Variants in ATP2A2 observed in about 807,000 individuals in gnomAD.
ATP2A2 encodes ATPase sarcoplasmic/endoplasmic reticulum Ca2+ transporting 2, also known as sarcoplasmic/endoplasmic reticulum calcium ATPase 2.
Under a neutral mutation model 109.3 loss-of-function variants are expected in ATP2A2, and 14 were observed. The ratio of observed to expected loss-of-function variants is 0.13; its 90% CI spans 0.08 to 0.20. The LOEUF (loss-of-function observed/expected upper bound fraction) is 0.20. ATP2A2 is among the 10% of genes least tolerant of loss of function. The probability of loss-of-function intolerance (pLI) is 1.00; values close to 1 mark genes in which losing one functional copy is unlikely to be tolerated. For missense variants in ATP2A2, 657 were observed against 1,321.6 expected (o/e 0.50, Z 7.80); for synonymous variants, 506 against 490.9 (o/e 1.03, Z -0.41).
At chr12:110,285,069 T>A (rs1018613891) in intron 3 of ATP2A2, among the ~76,000 whole-genome samples, 5 of 152,212 alleles carry the variant, frequency 3.3e-5, no homozygotes, top group African/African-American at 1.2e-4. Context: ...ACTAGGCGAT[T>A]CTTATATACA....
chr12:110,319,223 G>GAAAAAAAAAAAA (rs59623372), intron 5 of ATP2A2, among the ~76,000 whole-genome samples: 40 of 63,428 alleles, frequency 6.3e-4, no homozygotes, highest in Non-Finnish European at 7.1e-4. Context: ...AATAAAAAAT[G>GAAAAAAAAAAAA]AAAAAAAAAA....
At chr12:110,299,822 C>T (rs1385660337) in intron 5 of ATP2A2, among the ~76,000 whole-genome samples, 1 of 152,130 alleles carries the variant, frequency 6.6e-6, no homozygotes, top group Non-Finnish European at 1.5e-5. Context: ...TGGGTCTTGC[C>T]ATGTTGCTCA....
chr12:110,315,152 C>T lies in ATP2A2; in HGVS notation c.464-7840C>T, dbSNP rs1231565458. On this transcript the variant is annotated intron_variant, in intron 5 of 19. Transcript: ENST00000539276. ...GAGTGCTGGGATTACAGGCGTGAGC[C>T]ATCGCGCCCGGCAATATACTGTTAA... Among the ~76,000 whole-genome samples the T allele has an allele frequency of 3.3e-5, 5 of 152,308 alleles. No individual in the cohort carries two copies. In the East Asian group the frequency reaches 9.6e-4, roughly 29 times the overall value.
At position 110,281,625 on chromosome 12, in the gene ATP2A2, C is replaced by G. The variant is rs989413455; in HGVS notation, c.-165C>G. On this transcript the variant is annotated 5_prime_UTR_variant, in exon 1 of 20. Transcript: ENST00000539276. ...GGGCGGTTGTCTGGGGGAGGGGGCG[C>G]GGGGTGATTCAGCGCCCGGCGAGGC... 3 of 410,952 alleles carry G rather than the reference C, an allele frequency of 7.3e-6. No homozygotes were observed. The highest frequency in any genetic ancestry group is 4.5e-5 in the South Asian group (1 of 22,310). 25.5% of individuals were successfully genotyped at this position (410,952 alleles called of 1,614,324 possible).
chr12:110,282,881 G>T, intron 3 of ATP2A2, 86 bp downstream of exon 3: 1 of 1,159,382 alleles, frequency 8.6e-7, no homozygotes. Context: ...TGTCCATTGG[G>T]TGAAAACATA....
chr12:110,282,475 G>A, intron 1 of ATP2A2, 129 bp from the exon 2 acceptor site: 1 of 1,286,462 alleles, frequency 7.8e-7, no homozygotes, highest in Non-Finnish European at 1.1e-6. Context: ...CTAGGTCTGT[G>A]TTTTAAAGAT....
intron 3 of ATP2A2, among the ~76,000 whole-genome samples, chr12:110,283,283 CTTG>C (rs755941427): frequency 2.0e-5 from 3 of 152,190 alleles, no homozygotes; most frequent in East Asian, 1.9e-4. Context: ...TGATGGCACC[CTTG>C]TTGACCAAAT....
intron 3 of ATP2A2, among the ~76,000 whole-genome samples, chr12:110,288,100 CCTTT>C (rs1334152450): frequency 7.4e-6 from 1 of 134,612 alleles, no homozygotes; most frequent in East Asian, 2.0e-4. Context: ...CATGCTTTGC[CCTTT>C]TTTTTTTTTT....
intron 3 of ATP2A2, among the ~76,000 whole-genome samples, chr12:110,283,233 T>G (rs976314331): frequency 4.6e-5 from 7 of 152,152 alleles, no homozygotes; most frequent in Non-Finnish European, 1.0e-4. Flanking sequence ...AATGGCAAGG[T>G]GACAGTTGTT....
chr12:110,312,017 T>C (rs1431746661), intron 5 of ATP2A2, among the ~76,000 whole-genome samples: 1 of 151,754 alleles, frequency 6.6e-6, no homozygotes, highest in East Asian at 1.9e-4. Context: ...TCTAAAAAAA[T>C]AAAAAATGAA....
chr12:110,345,214 T>G, intron 17 of ATP2A2, 35 bp from the exon 18 acceptor site: 1 of 1,614,108 alleles, frequency 6.2e-7, no homozygotes, highest in South Asian at 1.1e-5. Flanking sequence ...GGAAATATAC[T>G]GGGCTGATAG....
chr12:110,313,650 C>G (rs1319771625), intron 5 of ATP2A2, among the ~76,000 whole-genome samples: 1 of 151,434 alleles, frequency 6.6e-6, no homozygotes. Context: ...AACACCAAAC[C>G]ACCTAGATGG....
Position 110,292,210 on chromosome 12 carries a change from CT to C in ATP2A2, c.324+87del, listed in dbSNP as rs960731686. On this transcript the variant is annotated intron_variant, in intron 4 of 19. Transcript: ENST00000539276. ...TTAATCTTTCTGTTATCTGTTTTTCCTGATGTGTTGAGTAAAAATATGTTTG... is the reference window on the plus strand; with the variant it reads ...TTAATCTTTCTGTTATCTGTTTTTCCGATGTGTTGAGTAAAAATATGTTTG... 5 of 1,010,616 alleles carry C rather than the reference CT, an allele frequency of 4.9e-6. No homozygotes were observed. In the African/African-American group the frequency reaches 7.9e-5, roughly 16 times the overall value. 62.6% of individuals were successfully genotyped at this position (1,010,616 alleles called of 1,614,324 possible). A position where few individuals can be genotyped will look rare whatever the true frequency, so the allele number is the denominator to read the frequency against.
intron 4 of ATP2A2, among the ~76,000 whole-genome samples, chr12:110,293,487 C>T (rs533349936): frequency 7.4e-4 from 111 of 150,252 alleles, no homozygotes; most frequent in Non-Finnish European, 1.4e-3. Flanking sequence ...CTCCACTTCC[C>T]GGGATCAAGC....
In ATP2A2 at chr12:110,350,022, C is replaced by T; in HGVS notation, c.*3552C>T. 2 of 1,380,924 alleles carry T rather than the reference C, an allele frequency of 1.4e-6. No individual in the cohort carries two copies. The highest frequency in any genetic ancestry group is 1.9e-6 in the Non-Finnish European group (2 of 1,067,762). 85.5% of individuals were successfully genotyped at this position (1,380,924 alleles called of 1,614,324 possible). A position where few individuals can be genotyped will look rare whatever the true frequency, so the allele number is the denominator to read the frequency against. On this transcript the variant is annotated 3_prime_UTR_variant, in exon 20 of 20. Coordinates refer to ENST00000539276, the MANE Select transcript of ATP2A2 (RefSeq NM_170665.4). ...GCTTTCACAGCTGCAACGATTGTGT[C>T]TGCCTCATGGGGTTTTCCTCCAGAG...
intron 5 of ATP2A2, among the ~76,000 whole-genome samples, chr12:110,318,113 G>A (rs369909108): frequency 3.9e-5 from 6 of 152,130 alleles, no homozygotes; most frequent in Admixed American, 2.6e-4. Flanking sequence ...TGTGATCATC[G>A]GAACAGCCTA....
chr12:110,325,622 C>T (rs939725004), intron 6 of ATP2A2, among the ~76,000 whole-genome samples: 69 of 149,494 alleles, frequency 4.6e-4, no homozygotes, highest in Middle Eastern at 3.5e-3. Flanking sequence ...AGCAAGACTC[C>T]GTCTCAAAAA....
chr12:110,296,995 A>T (rs1874027269), intron 5 of ATP2A2, among the ~76,000 whole-genome samples: 1 of 152,178 alleles, frequency 6.6e-6, no homozygotes, highest in Admixed American at 6.5e-5. Context: ...TACATTGTAG[A>T]ACACAAGTGC....
intron 1 of ATP2A2, among the ~76,000 whole-genome samples, chr12:110,282,166 C>A (rs2137672017): frequency 6.6e-6 from 1 of 152,326 alleles, no homozygotes; most frequent in Admixed American, 6.5e-5. Context: ...AGCAGCCGGC[C>A]CCGGTGGAGG....
Sources: gnomAD v4.1 joint callset for allele counts (sites outside exome capture counted in the v4.1 genomes callset) on GRCh38, gnomAD v4.1.1 for gene constraint, MANE v1.5 for transcripts, NCBI Gene and HGNC (gene_info 2026-07-23, HGNC 2026-07-21) for gene names.